Variants in PYGO2 observed in about 807,000 individuals in gnomAD.
The protein encoded by PYGO2 is pygopus homolog 2.
In PYGO2, 9 loss-of-function variants were observed where a neutral mutation model predicts 26.7. The observed-to-expected ratio is 0.34, with a 90% confidence interval of 0.20 to 0.59. The LOEUF (loss-of-function observed/expected upper bound fraction) is 0.59, where lower values mean the gene tolerates loss of function less well. Ranked by LOEUF, PYGO2 falls within the 20% of genes least tolerant of loss-of-function variation. The pLI, the probability that PYGO2 is intolerant of heterozygous loss-of-function variation, is 0.84. For synonymous variants in PYGO2, 236 were observed against 219.0 expected, an observed-to-expected ratio of 1.08 and a Z score of -0.68; for missense variants, 538 against 561.5, an observed-to-expected ratio of 0.96 and a Z score of 0.42.
In PYGO2 at chr1:154,958,282, A is replaced by G. The variant is rs2101993935; in HGVS notation, c.*497T>C. The G allele has an allele frequency of 6.5e-6, 1 of 154,330 alleles. No homozygotes were observed. Among genetic ancestry groups the G allele is most frequent in the African/African-American group, 2.4e-5 (1 of 41,598 alleles). The allele number at this position is 154,330 out of a possible 1,614,324, so 9.6% of individuals were successfully genotyped here. A position where few individuals can be genotyped will look rare whatever the true frequency, so the allele number is the denominator to read the frequency against. The stretch of plus-strand genomic sequence containing the variant: ...GGGAAAATCCCCATTTATTCCCTAA[A>G]GCTGTCTCCCAGAGCCCATAAAAGG... On this transcript the variant is annotated 3_prime_UTR_variant, in exon 3 of 3. Transcript: ENST00000368457.
In PYGO2 at chr1:154,959,273, G is replaced by C. The variant is rs267598059; in HGVS notation, c.727C>G (p.Pro243Ala). 7 of 1,575,826 alleles carry C rather than the reference G, an allele frequency of 4.4e-6. No individual in the cohort carries two copies. Among genetic ancestry groups the C allele is most frequent in the Non-Finnish European group, 6.0e-6 (7 of 1,162,968 alleles). Residue 243 changes from proline to alanine, a missense_variant, in exon 3 of 3, where the codon CCC becomes GCC. This residue lies in a region of PYGO2 where 381 missense variants were observed against 336.6 expected (regional missense o/e 1.13). Transcript: ENST00000368457. This position sits in a 1 kb window ranked among gnomAD's most constrained non-coding sequence, Gnocchi z 4.7. ...AAGCCAGGGTCCGGACCAGGAAAGGGACTTGTGTTAGGCGGCAGGCTGGGG... is the reference window on the plus strand; with the variant it reads ...AAGCCAGGGTCCGGACCAGGAAAGGCACTTGTGTTAGGCGGCAGGCTGGGG... Reference protein sequence around the residue: ...GLPSLPPNTSPFPGPDPGFPG... With the variant: ...GLPSLPPNTSAFPGPDPGFPG...
chr1:154,959,341 GC>G lies in PYGO2; in HGVS notation c.658del (p.Ala220LeufsTer44), dbSNP rs1655269157. The G allele has an allele frequency of 6.2e-7, 1 of 1,609,416 alleles. No individual in the cohort carries two copies. Among genetic ancestry groups the G allele is most frequent in the African/African-American group, 1.3e-5 (1 of 74,706 alleles). ...SLSQRFAQPG[A>X]PFGPSPLQRP... Reference sequence around the variant, plus strand: ...CTGGAGAGGAGAAGGGCCAAAAGGAGCCCCTGGCTGAGCAAATCGTTGGGAC... The same window carrying G: ...CTGGAGAGGAGAAGGGCCAAAAGGAGCCCTGGCTGAGCAAATCGTTGGGAC... On this transcript the variant is annotated frameshift_variant, in exon 3 of 3. Coordinates refer to ENST00000368457, the MANE Select transcript of PYGO2 (RefSeq NM_138300.4). LOFTEE classifies it high-confidence loss of function. This position sits in a 1 kb window ranked among gnomAD's most constrained non-coding sequence, Gnocchi z 4.7.
In PYGO2 at chr1:154,958,713, A is replaced by G. The variant is rs188083689; in HGVS notation, c.*66T>C. On this transcript the variant is annotated 3_prime_UTR_variant, in exon 3 of 3. Coordinates refer to ENST00000368457, the MANE Select transcript of PYGO2 (RefSeq NM_138300.4). Reference sequence around the variant, plus strand: ...TGGAAACAAGGACCAAGAGCCAAACATCAAAAAAATCACCCTGGAAGAGCA... The same window carrying G: ...TGGAAACAAGGACCAAGAGCCAAACGTCAAAAAAATCACCCTGGAAGAGCA... 1 of 1,377,530 alleles carries G rather than the reference A, an allele frequency of 7.3e-7. No homozygotes were observed. Among genetic ancestry groups the G allele is most frequent in the South Asian group, 1.3e-5 (1 of 77,234 alleles). The allele number at this position is 1,377,530 out of a possible 1,614,324, so 85.3% of individuals were successfully genotyped here.
At position 154,958,208 on chromosome 1, in the gene PYGO2, G is replaced by A. The variant is rs546571013; in HGVS notation, c.*571C>T. 6.5e-6 allele frequency: 1 copy of A among 152,808 alleles called. No homozygotes were observed. The highest frequency in any genetic ancestry group is 1.5e-5 in the Non-Finnish European group (1 of 68,218). 9.5% of individuals were successfully genotyped at this position (152,808 alleles called of 1,614,324 possible). ...TCAGGCTATTTGGTTCTCTGAGGGG[G>A]AAGGAGTTGGGTAAGTCTTGGAGGA... is the stretch of plus-strand genomic sequence containing the variant. On this transcript the variant is annotated 3_prime_UTR_variant, in exon 3 of 3. Coordinates refer to ENST00000368457, the MANE Select transcript of PYGO2 (RefSeq NM_138300.4).
intron 1 of PYGO2, 41 bp from the exon 2 acceptor site, chr1:154,961,067 G>A: frequency 6.3e-7 from 1 of 1,595,570 alleles, no homozygotes. Context: ...AAGTTTCCCT[G>A]AGGTTTCCCC....
chr1:154,959,279 T>A lies in PYGO2; in HGVS notation c.721A>T (p.Thr241Ser), dbSNP rs777467859. 3 of 1,578,504 alleles carry A rather than the reference T, an allele frequency of 1.9e-6. No individual in the cohort carries two copies. The East Asian group carries it at 6.7e-5, about 35-fold the overall frequency. The stretch of plus-strand genomic sequence containing the variant: ...GGGTCCGGACCAGGAAAGGGACTTG[T>A]GTTAGGCGGCAGGCTGGGGAGCCCC... ...GQGLPSLPPN[T>S]SPFPGPDPGF... Residue 241 changes from threonine (T) to serine (S), a missense_variant, in exon 3 of 3, where the codon ACA (threonine) becomes TCA (serine). Thr to Ser is a moderately conservative substitution (Grantham distance 58). Coordinates refer to ENST00000368457, the MANE Select transcript of PYGO2 (RefSeq NM_138300.4). The surrounding 1 kb of genome is among the most constrained non-coding windows in gnomAD (Gnocchi z 4.7).
rs752628324 is a variant in PYGO2 at position 154,959,863 on chromosome 1, G to A, written c.154-17C>T. 3.9e-6 allele frequency: 5 copies of A among 1,290,374 alleles called. No homozygotes were observed. Among genetic ancestry groups the A allele is most frequent in the Non-Finnish European group, 4.0e-6 (4 of 995,612 alleles). 79.9% of individuals were successfully genotyped at this position (1,290,374 alleles called of 1,614,324 possible). ...TGCAGGGCCCTAGTGAGAAACAGTTGAGGGAAAGAGGGTCATGGAGGGAAA... is the reference window on the plus strand; with the variant it reads ...TGCAGGGCCCTAGTGAGAAACAGTTAAGGGAAAGAGGGTCATGGAGGGAAA... On this transcript the variant is annotated splice_polypyrimidine_tract_variant and intron_variant, in intron 2 of 2. Transcript: ENST00000368457. The surrounding 1 kb of genome is among the most constrained non-coding windows in gnomAD (Gnocchi z 4.7).
At position 154,959,145 on chromosome 1, in the gene PYGO2, A is replaced by G; in HGVS notation, c.855T>C (p.Asn285=). ...PHSGSPAAAV[N]GNQPSFPPNS... The stretch of plus-strand genomic sequence containing the variant: ...TCGGGGGGAAACTGGGCTGGTTCCC[A>G]TTAACAGCAGCAGCCGGGGAGCCTG... Residue 285 remains asparagine, a synonymous_variant, in exon 3 of 3, where the codon AAT becomes AAC. Coordinates refer to ENST00000368457, the MANE Select transcript of PYGO2 (RefSeq NM_138300.4). This position sits in a 1 kb window ranked among gnomAD's most constrained non-coding sequence, Gnocchi z 4.7. 1 of 1,595,226 alleles carries G rather than the reference A, an allele frequency of 6.3e-7. No individual in the cohort carries two copies. Among genetic ancestry groups the G allele is most frequent in the African/African-American group, 1.3e-5 (1 of 74,616 alleles).
chr1:154,959,533 G>A lies in PYGO2; in HGVS notation c.467C>T (p.Pro156Leu). The A allele has an allele frequency of 1.4e-6, 2 of 1,476,756 alleles. No individual in the cohort carries two copies. The highest frequency in any genetic ancestry group is 2.5e-5 in the East Asian group (1 of 40,774). The allele number at this position is 1,476,756 out of a possible 1,614,324, so 91.5% of individuals were successfully genotyped here. A position where few individuals can be genotyped will look rare whatever the true frequency, so the allele number is the denominator to read the frequency against. ...GCTGGGAAAGTTCATGTTGCCTGGGGGTGGGTAGCCAGGACCCTGGGGGGG... is the reference window on the plus strand; with the variant it reads ...GCTGGGAAAGTTCATGTTGCCTGGGAGTGGGTAGCCAGGACCCTGGGGGGG... ...NMPPQGPGYP[P>L]PGNMNFPSQP... The change falls in exon 3 of 3, where the codon CCC becomes CTC. Residue 156 changes from proline (P) to leucine (L), a missense_variant. Pro to Leu is a moderately conservative substitution (Grantham distance 98). Transcript: ENST00000368457. The surrounding 1 kb of genome is among the most constrained non-coding windows in gnomAD (Gnocchi z 4.7).
rs920683792 is a variant in PYGO2, at chr1:154,960,106, T to C, written c.154-260A>G. Reference sequence around the variant, plus strand: ...GGTGAAACCCCGTCTCTACTAAAAATACAAAAAAATTAGCCGGGCGTGGTG... The same window carrying C: ...GGTGAAACCCCGTCTCTACTAAAAACACAAAAAAATTAGCCGGGCGTGGTG... On this transcript the variant is annotated intron_variant, in intron 2 of 2. Coordinates refer to ENST00000368457, the MANE Select transcript of PYGO2 (RefSeq NM_138300.4). Among the ~76,000 whole-genome samples the C allele has an allele frequency of 8.6e-5, 13 of 151,516 alleles. 1 individual carries two copies. The highest frequency in any genetic ancestry group is 2.9e-4 in the African/African-American group (12 of 41,254).
In PYGO2 at chr1:154,961,757, CGCCAG is replaced by C. The variant is rs2101998537; in HGVS notation, c.-186_-182del. The C allele has an allele frequency of 2.5e-6, 1 of 402,376 alleles. No individual in the cohort carries two copies. The highest frequency in any genetic ancestry group is 4.5e-5 in the Admixed American group (1 of 22,458). The allele number at this position is 402,376 out of a possible 1,614,324, so 24.9% of individuals were successfully genotyped here. A position where few individuals can be genotyped will look rare whatever the true frequency, so the allele number is the denominator to read the frequency against. ...GCGCGCTCTCTCCAGACTCGCCGCC[CGCCAG>C]CGGCGGCAGCAACCGGAACCGGAAC... On this transcript the variant is annotated 5_prime_UTR_variant, in exon 1 of 3. Transcript: ENST00000368457.
In PYGO2 at chr1:154,958,199, T is replaced by C. The variant is rs1655242467; in HGVS notation, c.*580A>G. ...CCTGCTTCCTCAGGCTATTTGGTTC[T>C]CTGAGGGGGAAGGAGTTGGGTAAGT... On this transcript the variant is annotated 3_prime_UTR_variant, in exon 3 of 3. Transcript: ENST00000368457. 6.5e-6 allele frequency: 1 copy of C among 152,762 alleles called. No homozygotes were observed. The allele number at this position is 152,762 out of a possible 1,614,324, so 9.5% of individuals were successfully genotyped here.
Position 154,958,831 on chromosome 1 carries a change from G to A in PYGO2, c.1169C>T (p.Ser390Phe). ...CCCCATGCCCTCACGGATGTAGACA[G>A]ACTGGATCTCCTTGGTCTTGAGGCA... is the stretch of plus-strand genomic sequence containing the variant. ...DLCLKTKEIQ[S>F]VYIREGMGQL... Residue 390 changes from serine to phenylalanine, a missense_variant, in exon 3 of 3, where the codon TCT becomes TTT. Coordinates refer to ENST00000368457, the MANE Select transcript of PYGO2 (RefSeq NM_138300.4). 4 of 1,614,038 alleles carry A rather than the reference G, an allele frequency of 2.5e-6. No homozygotes were observed. The highest frequency in any genetic ancestry group is 3.4e-6 in the Non-Finnish European group (4 of 1,180,052).
intron 2 of PYGO2, 40 bp downstream of exon 2, chr1:154,960,935 AGG>A: frequency 6.3e-7 from 1 of 1,595,540 alleles, no homozygotes; most frequent in Admixed American, 1.7e-5. Flanking sequence ...TGTGCCGCCA[AGG>A]GGCTGCTGGG....
chr1:154,961,031 A>C lies in PYGO2; in HGVS notation c.104-5T>G. ...CTGGACTCTTCATTTGCAGACCTGG[A>C]AGAGCGGCAAAAGGAAGACGCAGAC... On this transcript the variant is annotated splice_polypyrimidine_tract_variant and splice_region_variant and intron_variant, in intron 1 of 2. Coordinates refer to ENST00000368457, the MANE Select transcript of PYGO2 (RefSeq NM_138300.4). The C allele has an allele frequency of 6.2e-7, 1 of 1,610,824 alleles. No homozygotes were observed. Among genetic ancestry groups the C allele is most frequent in the Non-Finnish European group, 8.5e-7 (1 of 1,178,660 alleles).
At position 154,961,477 on chromosome 1, in the gene PYGO2, C is replaced by A. The variant is rs1475485256; in HGVS notation, c.100G>T (p.Ala34Ser). ...PPSTGRKQGK[A>S]GLQMKSPEKK... ...CCGCCCCTCGCAGCGCGCTCACCGGCCTTGCCCTGCTTCCTCCCGGTGCTG... is the reference window on the plus strand; with the variant it reads ...CCGCCCCTCGCAGCGCGCTCACCGGACTTGCCCTGCTTCCTCCCGGTGCTG... The change falls in exon 1 of 3, where the codon GCC becomes TCC. Residue 34 changes from alanine (A) to serine (S), a missense_variant. By Grantham distance (99) the Ala-to-Ser change is moderately conservative. Transcript: ENST00000368457. 6.7e-7 allele frequency: 1 copy of A among 1,485,846 alleles called. No homozygotes were observed. Among genetic ancestry groups the A allele is most frequent in the Non-Finnish European group, 8.9e-7 (1 of 1,124,404 alleles). The allele number at this position is 1,485,846 out of a possible 1,614,324, so 92.0% of individuals were successfully genotyped here.
In PYGO2 at chr1:154,958,713, A is replaced by T. The variant is rs188083689; in HGVS notation, c.*66T>A. The T allele has an allele frequency of 8.0e-6, 11 of 1,377,648 alleles. No homozygotes were observed. The East Asian group carries it at 2.1e-4, about 26-fold the overall frequency. The allele number at this position is 1,377,648 out of a possible 1,614,324, so 85.3% of individuals were successfully genotyped here. A position where few individuals can be genotyped will look rare whatever the true frequency, so the allele number is the denominator to read the frequency against. On this transcript the variant is annotated 3_prime_UTR_variant, in exon 3 of 3. Transcript: ENST00000368457. Reference sequence around the variant, plus strand: ...TGGAAACAAGGACCAAGAGCCAAACATCAAAAAAATCACCCTGGAAGAGCA... The same window carrying T: ...TGGAAACAAGGACCAAGAGCCAAACTTCAAAAAAATCACCCTGGAAGAGCA...
At chr1:154,960,155 C>T (rs1571408201) in intron 2 of PYGO2, among the ~76,000 whole-genome samples, 1 of 151,680 alleles carries the variant, frequency 6.6e-6, no homozygotes, top group South Asian at 2.1e-4. Context: ...GTCCCAGCTA[C>T]TCGGGAGGCT....
intron 1 of PYGO2, 67 bp from the exon 2 acceptor site, chr1:154,961,093 A>C: frequency 6.7e-7 from 1 of 1,495,166 alleles, no homozygotes; most frequent in Non-Finnish European, 9.2e-7. Context: ...CTTTTCTCTC[A>C]GCCATGCTCT....
Sources: allele counts gnomAD v4.1 joint callset (sites outside exome capture counted in the v4.1 genomes callset), GRCh38; gene constraint gnomAD v4.1.1; regional missense constraint gnomAD v4.1.1; non-coding constraint Gnocchi (gnomAD v3.1); transcripts MANE v1.5; gene names NCBI Gene and HGNC (gene_info 2026-07-23, HGNC 2026-07-21).